VRTN: variants seen among roughly 807,000 people sequenced by gnomAD.
VRTN encodes vertebrae development associated.
A neutral mutation model predicts 18.2 loss-of-function variants in VRTN; 5 were observed. The observed-to-expected ratio is 0.27, with a 90% CI of 0.14 to 0.58. VRTN has a LOEUF of 0.58. VRTN is among the 20% of genes least tolerant of loss of function. The pLI, the probability that VRTN is intolerant of heterozygous loss-of-function variation, is 0.91. For synonymous variants in VRTN, 381 were observed against 393.7 expected (o/e 0.97, Z 0.38); for missense variants, 741 against 939.4 (o/e 0.79, Z 2.76).
chr14:74,343,511 TG>T (rs1443927881), upstream of VRTN, among the ~76,000 whole-genome samples: 1 of 152,230 alleles, frequency 6.6e-6, no homozygotes, highest in East Asian at 1.9e-4. Flanking sequence ...CGGCTATACT[TG>T]TACATGTGGA....
rs113452004 is a variant in VRTN at position 74,356,501 on chromosome 14, C to A, written c.-1-282C>A. ...GCCTGGCCTATAAAGCAGATTTTAA[C>A]ACACCATTCCCATTTTATAGAAAAT... On this transcript the variant is annotated intron_variant, in intron 1 of 1. Transcript: ENST00000256362. 9.1e-3 allele frequency among the ~76,000 whole-genome samples: 1,388 copies of A among 152,246 alleles called. 22 individuals carry two copies. Among genetic ancestry groups the A allele is most frequent in the African/African-American group, 0.032 (1,327 of 41,534 alleles).
chr14:74,305,298 C>G (rs1393671525), intron 1 of VRTN: 2 of 149,460 alleles, frequency 1.3e-5, no homozygotes, highest in Non-Finnish European at 2.9e-5. Flanking sequence ...TGCCATTGTA[C>G]TCCAGCCTGG....
chr14:74,314,925 G>A (rs569364899), intron 1 of VRTN, among the ~76,000 whole-genome samples: 1 of 152,276 alleles, frequency 6.6e-6, no homozygotes, highest in Non-Finnish European at 1.5e-5. Context: ...TTTCAGACAA[G>A]GTAGGTCAGA....
intron 1 of VRTN, among the ~76,000 whole-genome samples, chr14:74,311,383 CT>C (rs2085387703): frequency 6.6e-6 from 1 of 151,774 alleles, no homozygotes; most frequent in Non-Finnish European, 1.5e-5. Context: ...ACAAATACTC[CT>C]TTTCCTTTTA....
chr14:74,320,921 A>AAGC (rs889641548), intron 1 of VRTN, among the ~76,000 whole-genome samples: 4,919 of 143,346 alleles, frequency 0.034, 232 homozygotes, highest in African/African-American at 0.092. Context: ...AAAAAAAAAA[A>AAGC]AGCAGCAGCA....
rs144441676 is a variant in VRTN at position 74,353,380 on chromosome 14, C to G, written c.-1-3403C>G. Reference sequence around the variant, plus strand: ...ACTTCAGTTGCCTCAGTTTCCTCACCTGTAAATTGGGGATAATGGTAGTAC... The same window carrying G: ...ACTTCAGTTGCCTCAGTTTCCTCACGTGTAAATTGGGGATAATGGTAGTAC... On this transcript the variant is annotated intron_variant, in intron 1 of 1. Transcript: ENST00000256362. Among the ~76,000 whole-genome samples, 499 of 152,252 alleles carry G rather than the reference C, an allele frequency of 3.3e-3. 3 individuals are homozygous for G. The highest frequency in any genetic ancestry group is 4.4e-3 in the Admixed American group (67 of 15,282).
At chr14:74,337,645 C>G (rs2085574012) in intron 1 of VRTN, 1 of 152,158 alleles carries the variant, frequency 6.6e-6, no homozygotes, top group Non-Finnish European at 1.5e-5. Context: ...GCCAACTGTT[C>G]CCCTAGTGGG....
At position 74,357,974 on chromosome 14, in the gene VRTN, T is replaced by C; in HGVS notation, c.1191T>C (p.Pro397=). 6.2e-7 allele frequency: 1 copy of C among 1,614,198 alleles called. No individual in the cohort carries two copies. ...LECSALAVSS[P]GMVLMQRAKL... ...GCTCCGCACTGGCGGTGTCAAGCCCTGGAATGGTCTTAATGCAGCGGGCCA... is the reference window on the plus strand; with the variant it reads ...GCTCCGCACTGGCGGTGTCAAGCCCCGGAATGGTCTTAATGCAGCGGGCCA... The change falls in exon 2 of 2, where the codon CCT becomes CCC. Residue 397 remains proline, a synonymous_variant. Coordinates refer to ENST00000256362, the MANE Select transcript of VRTN (RefSeq NM_018228.3). This position sits in a 1 kb window ranked among gnomAD's most constrained non-coding sequence, Gnocchi z 7.8.
chr14:74,354,411 CT>C (rs61287508), intron 1 of VRTN, among the ~76,000 whole-genome samples: 216 of 143,392 alleles, frequency 1.5e-3, no homozygotes, highest in Admixed American at 2.1e-3. Flanking sequence ...ATCCATGGGT[CT>C]TTTTTTTTTT....
At chr14:74,303,973 T>TC (rs2085234996) in intron 1 of VRTN, among the ~76,000 whole-genome samples, 1 of 147,618 alleles carries the variant, frequency 6.8e-6, no homozygotes, top group Non-Finnish European at 1.5e-5. Flanking sequence ...TGCCTCAGCC[T>TC]CCCGAGTAGC....
chr14:74,303,157 G>C (rs2085152080), exon 1 of VRTN: 2 of 431,916 alleles, frequency 4.6e-6, no homozygotes, highest in Admixed American at 8.7e-5. Flanking sequence ...ATAGGTATCC[G>C]AGAGTGTAAC....
chr14:74,310,225 C>T (rs1286167210), intron 1 of VRTN, among the ~76,000 whole-genome samples: 1 of 151,898 alleles, frequency 6.6e-6, no homozygotes, highest in East Asian at 1.9e-4. Flanking sequence ...TGGAGAAACC[C>T]CGTCTCTACT....
chr14:74,311,772 CT>C (rs34712936), intron 1 of VRTN, among the ~76,000 whole-genome samples: 124 of 144,206 alleles, frequency 8.6e-4, no homozygotes, highest in Admixed American at 7.7e-4. Flanking sequence ...CATATACAGA[CT>C]TTTTTTTTTT....
At chr14:74,355,789 C>T (rs1051913268) in intron 1 of VRTN, among the ~76,000 whole-genome samples, 17 of 151,644 alleles carry the variant, frequency 1.1e-4, no homozygotes, top group African/African-American at 4.1e-4. Context: ...GATCTGCCTG[C>T]CTCAGCCTCC....
chr14:74,356,858 G>C lies in VRTN; in HGVS notation c.75G>C (p.Glu25Asp), dbSNP rs2085731041. ...LQEAVECEGLEGLIGASLEAK... is the reference protein window; with the variant it reads ...LQEAVECEGLDGLIGASLEAK... ...AAGCAGTGGAGTGCGAAGGCCTGGAGGGTCTCATAGGTGCTTCCTTGGAGG... is the reference window on the plus strand; with the variant it reads ...AAGCAGTGGAGTGCGAAGGCCTGGACGGTCTCATAGGTGCTTCCTTGGAGG... Residue 25 changes from glutamate (E) to aspartate (D), a missense_variant, in exon 2 of 2, where the codon GAG becomes GAC. Around this residue, in one of 3 missense-constraint regions of VRTN, gnomAD observed 186 missense variants for 288.3 expected, o/e 0.65. Transcript: ENST00000256362. The C allele has an allele frequency of 9.3e-6, 15 of 1,613,946 alleles. No homozygotes were observed. The highest frequency in any genetic ancestry group is 1.2e-5 in the Non-Finnish European group (14 of 1,179,956).
intron 1 of VRTN, among the ~76,000 whole-genome samples, chr14:74,336,807 C>T (rs1373393817): frequency 6.6e-6 from 1 of 152,088 alleles, no homozygotes; most frequent in Non-Finnish European, 1.5e-5. Flanking sequence ...ATTTTTTTCG[C>T]TATTTTCCTC....
At chr14:74,306,461 C>G (rs1201027779) in intron 1 of VRTN, 2 of 152,252 alleles carry the variant, frequency 1.3e-5, no homozygotes, top group Non-Finnish European at 2.9e-5. Context: ...GCTAGGATTA[C>G]AGATGTGAGC....
intron 1 of VRTN, chr14:74,306,648 G>T (rs2085354757): frequency 6.7e-6 from 1 of 149,386 alleles, no homozygotes; most frequent in African/African-American, 2.5e-5. Context: ...TTGCTCTGTG[G>T]TCCAGGTAGA....
Position 74,358,892 on chromosome 14 carries a change from A to G in VRTN, c.2109A>G (p.Ter703TrpextTer88). 1 of 1,604,478 alleles carries G rather than the reference A, an allele frequency of 6.2e-7. No homozygotes were observed. Among genetic ancestry groups the G allele is most frequent in the Non-Finnish European group, 8.5e-7 (1 of 1,174,210 alleles). The change falls in exon 2 of 2, where the codon TGA becomes TGG. Residue 703 changes from the stop codon to tryptophan (W), a stop_lost. Transcript: ENST00000256362. This position sits in a 1 kb window ranked among gnomAD's most constrained non-coding sequence, Gnocchi z 5.4. ...ACGGCCTGACCCTGGTAGATGGCTG[A>G]CAGGGAGGTACAAAAGGGGCTGGGA... Reference protein sequence around the residue: ...LYDGLTLVDG* With the variant: ...LYDGLTLVDGW
Sources: gnomAD v4.1 joint callset for allele counts (sites outside exome capture counted in the v4.1 genomes callset) on GRCh38, gnomAD v4.1.1 for gene constraint, gnomAD v4.1.1 regional missense constraint, Gnocchi (gnomAD v3.1) non-coding constraint, MANE v1.5 for transcripts, NCBI Gene and HGNC (gene_info 2026-07-23, HGNC 2026-07-21) for gene names.